The following LARGE2 variants were observed in gnomAD, a reference collection of about 807,000 sequenced individuals.
LARGE2 encodes LARGE xylosyl- and glucuronyltransferase 2.
Under a neutral mutation model 75.3 loss-of-function variants are expected in LARGE2, and 63 were observed. That is an observed-to-expected ratio of 0.84 (90% CI 0.68 to 1.03). LARGE2 has a LOEUF of 1.03. Among genes scored for constraint, LARGE2 ranks in the 50% least tolerant of loss-of-function variants. LARGE2 has a pLI of 0.00. For missense variants in LARGE2, 925 were observed against 980.6 expected, an observed-to-expected ratio of 0.94 and a Z score of 0.76; for synonymous variants, 428 against 420.1, an observed-to-expected ratio of 1.02 and a Z score of -0.23.
upstream of LARGE2, among the ~76,000 whole-genome samples, chr11:45,922,047 G>A (rs1470676499): frequency 6.6e-6 from 1 of 152,032 alleles, no homozygotes; most frequent in Non-Finnish European, 1.5e-5. Context: ...GGGGATCCCC[G>A]GCCCTGCCCA....
Position 45,927,615 on chromosome 11 carries a change from G to A in LARGE2, c.1604+22G>A, listed in dbSNP as rs1339426868. On this transcript the variant is annotated intron_variant, in intron 11 of 13. Transcript: ENST00000401752. ...TCAGGTGGGCCTGCAGGCAGAGAGG[G>A]GAACAATATATGGGGTGGACGTGGA... 10 of 1,609,294 alleles carry A rather than the reference G, an allele frequency of 6.2e-6. No homozygotes were observed. In the South Asian group the frequency reaches 9.9e-5, roughly 16 times the overall value.
In LARGE2 at chr11:45,924,260, C is replaced by T; in HGVS notation, c.475C>T (p.His159Tyr). The T allele has an allele frequency of 1.2e-6, 2 of 1,613,464 alleles. No individual in the cohort carries two copies. Among genetic ancestry groups the T allele is most frequent in the Non-Finnish European group, 1.7e-6 (2 of 1,180,004 alleles). Residue 159 changes from histidine to tyrosine, a missense_variant, in exon 4 of 14, where the codon CAT becomes TAT. By Grantham distance (83) the His-to-Tyr change is moderately conservative (BLOSUM62 2). This residue lies in a region of LARGE2 where 453 missense variants were observed against 460.2 expected (regional missense o/e 0.98). Transcript: ENST00000401752. ...MVPAVRVSFY[H>Y]ADQLKPQVSW... is the part of the protein sequence containing the mutation. Reference sequence around the variant, plus strand: ...GCCTGCTGTCCGTGTCAGCTTTTATCATGCCGACCAGCTCAAGGCAGGGGC... The same window carrying T: ...GCCTGCTGTCCGTGTCAGCTTTTATTATGCCGACCAGCTCAAGGCAGGGGC...
chr11:45,923,467 C>T lies in LARGE2; in HGVS notation c.286-6C>T, dbSNP rs1590805204. 1.2e-6 allele frequency: 2 copies of T among 1,612,968 alleles called. No individual in the cohort carries two copies. The highest frequency in any genetic ancestry group is 1.7e-6 in the Non-Finnish European group (2 of 1,179,728). ...GGCTGCTGCCGACCTGGGCGTCCCT[C>T]CCCAGCTCTTGCATGTGGCCATCGT... On this transcript the variant is annotated splice_region_variant and splice_polypyrimidine_tract_variant and intron_variant, in intron 2 of 13. Transcript: ENST00000401752.
intron 13 of LARGE2, 37 bp downstream of exon 13, chr11:45,928,409 G>A (rs764189772): frequency 1.1e-5 from 18 of 1,600,880 alleles, no homozygotes; most frequent in South Asian, 6.7e-5. Flanking sequence ...CCTTTGACTC[G>A]AGCACCTCCA....
In LARGE2 at chr11:45,922,998, G is replaced by A; in HGVS notation, c.116G>A (p.Gly39Asp). 1.5e-6 allele frequency: 2 copies of A among 1,347,888 alleles called. No homozygotes were observed. Among genetic ancestry groups the A allele is most frequent in the African/African-American group, 1.5e-5 (1 of 65,094 alleles). 83.5% of individuals were successfully genotyped at this position (1,347,888 alleles called of 1,614,324 possible). ...GDLGCERREP[G>D]GRAGAPGCFP... ...CTGGGGTGTGAGCGCCGCGAGCCTG[G>A]CGGGCGAGCGGGGGCCCCGGGATGC... The change falls in exon 2 of 14, where the codon GGC becomes GAC. Residue 39 changes from glycine (G) to aspartate (D), a missense_variant. Gly to Asp is a moderately conservative substitution (Grantham distance 94). Transcript: ENST00000401752.
At chr11:45,924,120 G>A in intron 3 of LARGE2, 34 bp from the exon 4 acceptor site, 1 of 1,603,458 alleles carries the variant, frequency 6.2e-7, no homozygotes, top group Non-Finnish European at 8.5e-7. Context: ...CTCCTGCTGG[G>A]GCCTCTCAGG....
Position 45,924,900 on chromosome 11 carries a change from T to A in LARGE2, c.769+11T>A. The A allele has an allele frequency of 7.0e-7, 1 of 1,437,894 alleles. No individual in the cohort carries two copies. Among genetic ancestry groups the A allele is most frequent in the Non-Finnish European group, 9.2e-7 (1 of 1,090,222 alleles). 89.1% of individuals were successfully genotyped at this position (1,437,894 alleles called of 1,614,324 possible). On this transcript the variant is annotated intron_variant, in intron 6 of 13. Transcript: ENST00000401752. ...GGGGATTTAACACAGGTGGGGACAG[T>A]GGTGAGGGGAGGCAGGCGGGGTGGT...
rs1429089864 is a variant in LARGE2 at position 45,926,364 on chromosome 11, G to A, written c.1008+17G>A. ...GACCTCAAGGTGAGTGGGACAAGAG[G>A]CTGTGTGGTGGTGGGGGGCCATGGA... On this transcript the variant is annotated intron_variant, in intron 8 of 13. Coordinates refer to ENST00000401752, the MANE Select transcript of LARGE2 (RefSeq NM_001300721.2). 1.2e-6 allele frequency: 2 copies of A among 1,614,026 alleles called. No homozygotes were observed. The highest frequency in any genetic ancestry group is 2.2e-5 in the South Asian group (2 of 91,090).
chr11:45,921,849 C>T (rs1309926728), upstream of LARGE2, among the ~76,000 whole-genome samples: 1 of 152,176 alleles, frequency 6.6e-6, no homozygotes, highest in African/African-American at 2.4e-5. Flanking sequence ...GGAGAATTAG[C>T]CCGCATCATG....
In LARGE2 at chr11:45,928,732, T is replaced by C; in HGVS notation, c.2053T>C (p.Cys685Arg). ...CCGCTCCAGCCCCACCTATCGTGAC[T>C]GCCTCCAGGCCCTCAAGGACGAATT... ...RFRSSPTYRD[C>R]LQALKDEFHQ... The change falls in exon 14 of 14, where the codon TGC becomes CGC. Residue 685 changes from cysteine (C) to arginine (R), a missense_variant. This residue lies in a region of LARGE2 where 469 missense variants were observed against 503.8 expected (regional missense o/e 0.93). Transcript: ENST00000401752. The C allele has an allele frequency of 2.5e-6, 4 of 1,614,120 alleles. No individual in the cohort carries two copies. In the African/African-American group the frequency reaches 5.3e-5, roughly 22 times the overall value.
In LARGE2 at chr11:45,927,483, ATACCCCG is replaced by A; in HGVS notation, c.1496_1502del (p.Tyr499SerfsTer248). On this transcript the variant is annotated frameshift_variant, in exon 11 of 14. Coordinates refer to ENST00000401752, the MANE Select transcript of LARGE2 (RefSeq NM_001300721.2). LOFTEE classifies it high-confidence loss of function. ...ATGTGGTGTACCGTGAGGGGCCCCT[ATACCCCG>A]TCAACCAGCTTCGCAACGTGGCCTT... The A allele has an allele frequency of 6.2e-7, 1 of 1,614,192 alleles. No individual in the cohort carries two copies. The highest frequency in any genetic ancestry group is 8.5e-7 in the Non-Finnish European group (1 of 1,180,020).
At position 45,928,264 on chromosome 11, in the gene LARGE2, CAACTATGA is replaced by C; in HGVS notation, c.1844_1851del (p.Asn615ThrfsTer13). 1 of 1,614,112 alleles carries C rather than the reference CAACTATGA, an allele frequency of 6.2e-7. No homozygotes were observed. Among genetic ancestry groups the C allele is most frequent in the Non-Finnish European group, 8.5e-7 (1 of 1,180,042 alleles). ...CCCCGTACCGTGTGCAATGGGCGGC[CAACTATGA>C]ACCCTACGTGGTGGTGCCACGAGAC... On this transcript the variant is annotated frameshift_variant, in exon 13 of 14. Coordinates refer to ENST00000401752, the MANE Select transcript of LARGE2 (RefSeq NM_001300721.2). LOFTEE classifies it high-confidence loss of function.
At position 45,923,415 on chromosome 11, in the gene LARGE2, G is replaced by T. The variant is rs1440632178; in HGVS notation, c.286-58G>T. ...CTGCGGGGTGGGGCAGCTCAACATG[G>T]GTCCTCACCGCCTAGCGGAGAAGGG... On this transcript the variant is annotated intron_variant, in intron 2 of 13. Transcript: ENST00000401752. 7.2e-6 allele frequency: 11 copies of T among 1,530,630 alleles called. No homozygotes were observed. In the Admixed American group the frequency reaches 1.5e-4, roughly 21 times the overall value. 94.8% of individuals were successfully genotyped at this position (1,530,630 alleles called of 1,614,324 possible).
intron 2 of LARGE2, 113 bp downstream of exon 2, chr11:45,923,280 C>T (rs1407645637): frequency 8.1e-7 from 1 of 1,228,444 alleles, no homozygotes; most frequent in Non-Finnish European, 1.1e-6. Context: ...ACTGGCCAGC[C>T]GGCTGGGGCG....
intron 11 of LARGE2, 67 bp from the exon 12 acceptor site, chr11:45,927,853 A>G: frequency 6.2e-7 from 1 of 1,604,626 alleles, no homozygotes; most frequent in South Asian, 1.1e-5. Context: ...TAATGCCCTG[A>G]TGAGTGTCAC....
intron 11 of LARGE2, 44 bp from the exon 12 acceptor site, chr11:45,927,876 A>G (rs1280307892): frequency 3.1e-6 from 5 of 1,609,970 alleles, no homozygotes; most frequent in Non-Finnish European, 4.2e-6. Flanking sequence ...GCCCAGTCCT[A>G]GATGCCCCGC....
Position 45,924,775 on chromosome 11 carries a change from C to A in LARGE2, c.665-10C>A. The A allele has an allele frequency of 1.3e-6, 2 of 1,504,938 alleles. No individual in the cohort carries two copies. Among genetic ancestry groups the A allele is most frequent in the East Asian group, 4.9e-5 (2 of 40,608 alleles). The allele number at this position is 1,504,938 out of a possible 1,614,324, so 93.2% of individuals were successfully genotyped here. ...GCTTCAGACAGCTCCCTTATGCCCTCCCCTCCCAGACACGCAGGCGATCGG... is the reference window on the plus strand; with the variant it reads ...GCTTCAGACAGCTCCCTTATGCCCTACCCTCCCAGACACGCAGGCGATCGG... On this transcript the variant is annotated splice_polypyrimidine_tract_variant and intron_variant, in intron 5 of 13. Coordinates refer to ENST00000401752, the MANE Select transcript of LARGE2 (RefSeq NM_001300721.2).
intron 6 of LARGE2, 93 bp downstream of exon 6, chr11:45,924,982 C>G: frequency 1.5e-6 from 1 of 686,234 alleles, no homozygotes. Context: ...GGAAGTCCCC[C>G]AGGAAGAACA....
At chr11:45,923,279 C>A in intron 2 of LARGE2, 112 bp downstream of exon 2, 3 of 1,225,842 alleles carry the variant, frequency 2.4e-6, no homozygotes, top group Non-Finnish European at 3.3e-6. Context: ...CACTGGCCAG[C>A]CGGCTGGGGC....
Sources: gnomAD v4.1 joint callset for allele counts (sites outside exome capture counted in the v4.1 genomes callset) on GRCh38, gnomAD v4.1.1 for gene constraint, gnomAD v4.1.1 regional missense constraint, MANE v1.5 for transcripts, NCBI Gene and HGNC (gene_info 2026-07-23, HGNC 2026-07-21) for gene names.